Variants in PTP4A1 observed in about 807,000 individuals in gnomAD.
PTP4A1 encodes protein tyrosine phosphatase 4A1.
Under a neutral mutation model 20.5 loss-of-function variants are expected in PTP4A1, and 9 were observed. The ratio of observed to expected loss-of-function variants is 0.44; its 90% confidence interval spans 0.26 to 0.77. The LOEUF (loss-of-function observed/expected upper bound fraction) is 0.77, where lower values mean the gene tolerates loss of function less well. PTP4A1 is among the 30% of genes least tolerant of loss of function. PTP4A1 has a pLI of 0.19. For synonymous variants in PTP4A1, 78 were observed against 67.4 expected, an observed-to-expected ratio of 1.16 and a Z score of -0.77; for missense variants, 137 against 218.8, an observed-to-expected ratio of 0.63 and a Z score of 2.36.
Position 63,576,442 on chromosome 6 carries a change from T to C in PTP4A1, c.-439T>C. The C allele has an allele frequency of 2.5e-6, 1 of 399,846 alleles. No homozygotes were observed. 24.8% of individuals were successfully genotyped at this position (399,846 alleles called of 1,614,324 possible). On this transcript the variant is annotated 5_prime_UTR_variant, in exon 2 of 6. Transcript: ENST00000626021. ...GTCTTTTTCTTTTAAACAGCAATTC[T>C]GTGGTGTTCTTGGTCACACATTTAT...
At chr6:63,525,277 G>T (rs1441666600) in intron 1 of PTP4A1, among the ~76,000 whole-genome samples, 1 of 152,122 alleles carries the variant, frequency 6.6e-6, no homozygotes, top group Non-Finnish European at 1.5e-5. Context: ...TCCATATTTG[G>T]CCTTGTGATG....
At chr6:63,525,495 A>G (rs1033938185) in intron 1 of PTP4A1, among the ~76,000 whole-genome samples, 1 of 152,182 alleles carries the variant, frequency 6.6e-6, no homozygotes, top group Non-Finnish European at 1.5e-5. Context: ...AGTTGGTTCC[A>G]GTTTCCACTA....
At position 63,545,908 on chromosome 6, in the gene PTP4A1, T is replaced by C. The variant is rs1424237527; in HGVS notation, c.-639-4392T>C. On this transcript the variant is annotated intron_variant, in intron 2 of 3. Transcript: ENST00000639568. ...AAAAATAAAAATAAACCTGGTTCTG[T>C]TATTCAAAATATATTTACTCATTTG... Among the ~76,000 whole-genome samples, 3 of 152,156 alleles carry C rather than the reference T, an allele frequency of 2.0e-5. No homozygotes were observed. The East Asian group carries it at 5.8e-4, about 29-fold the overall frequency.
At chr6:63,548,637 GATTTAATTTTTCAAGGAA>G in intron 2 of PTP4A1, 1 of 405,014 alleles carries the variant, frequency 2.5e-6, no homozygotes, top group East Asian at 5.1e-5. Flanking sequence ...ACACAACCCT[GATTTAATTTTTCAAGGAA>G]AATTTGTTCT....
Position 63,583,293 on chromosome 6 carries a change from C to T in PTP4A1, c.*3119C>T, listed in dbSNP as rs1021207313. 1 of 152,184 alleles carries T rather than the reference C, an allele frequency of 6.6e-6. No individual in the cohort carries two copies. Among genetic ancestry groups the T allele is most frequent in the African/African-American group, 2.4e-5 (1 of 41,432 alleles). The allele number at this position is 152,184 out of a possible 1,614,324, so 9.4% of individuals were successfully genotyped here. A position where few individuals can be genotyped will look rare whatever the true frequency, so the allele number is the denominator to read the frequency against. On this transcript the variant is annotated 3_prime_UTR_variant, in exon 6 of 6. Coordinates refer to ENST00000626021, the MANE Select transcript of PTP4A1 (RefSeq NM_003463.5). ...GTCTGCCATACATGTTAATATTCTA[C>T]ATTCTTGCTTCCTTAAATTAATATG...
At chr6:63,542,840 C>A (rs1776037833) in intron 2 of PTP4A1, among the ~76,000 whole-genome samples, 1 of 152,110 alleles carries the variant, frequency 6.6e-6, no homozygotes, top group Non-Finnish European at 1.5e-5. Context: ...TCACCACCTC[C>A]ACCCCTACCT....
chr6:63,541,427 C>T (rs2149484085), intron 2 of PTP4A1, among the ~76,000 whole-genome samples: 1 of 152,048 alleles, frequency 6.6e-6, no homozygotes, highest in African/African-American at 2.4e-5. Context: ...GTGGCAGGTG[C>T]CTATAATTCC....
At chr6:63,562,444 C>G (rs1276212575) in intron 3 of PTP4A1, among the ~76,000 whole-genome samples, 1 of 152,194 alleles carries the variant, frequency 6.6e-6, no homozygotes, top group African/African-American at 2.4e-5. Context: ...AGTGATCCAA[C>G]TGTCTTGGCC....
intron 3 of PTP4A1, among the ~76,000 whole-genome samples, chr6:63,552,169 A>T (rs567398403): frequency 6.6e-6 from 1 of 152,306 alleles, no homozygotes; most frequent in East Asian, 1.9e-4. Context: ...ACAGTGTAAA[A>T]GTGTTCCTAT....
chr6:63,520,771 T>C (rs1242249435), upstream of PTP4A1, among the ~76,000 whole-genome samples: 2 of 152,192 alleles, frequency 1.3e-5, no homozygotes, highest in Non-Finnish European at 2.9e-5. Context: ...ATGATTAGTG[T>C]CAGAGTTACT....
At chr6:63,528,268 C>G (rs565546134) in intron 2 of PTP4A1, among the ~76,000 whole-genome samples, 1 of 152,126 alleles carries the variant, frequency 6.6e-6, no homozygotes, top group South Asian at 2.1e-4. Flanking sequence ...CTTGAGCACA[C>G]ATAGTATATT....
intron 5 of PTP4A1, among the ~76,000 whole-genome samples, chr6:63,579,585 A>AT (rs1778088519): frequency 1.3e-5 from 2 of 152,190 alleles, no homozygotes; most frequent in African/African-American, 4.8e-5. Context: ...GTTATTTTGT[A>AT]TTTTTATTGA....
rs74990853 is a variant in PTP4A1 at position 63,560,859 on chromosome 6, A to G, written c.-446+10366A>G. Among the ~76,000 whole-genome samples the G allele has an allele frequency of 3.2e-4, 49 of 152,344 alleles. No homozygotes were observed. The East Asian group carries it at 9.4e-3, about 29-fold the overall frequency. On this transcript the variant is annotated intron_variant, in intron 3 of 3. Coordinates refer to the PTP4A1 transcript ENST00000639568. Reference sequence around the variant, plus strand: ...TGGCACCAGTTCACAGACTACACTTAGAGTAGCATTAGTCTGGGGAACAAC... The same window carrying G: ...TGGCACCAGTTCACAGACTACACTTGGAGTAGCATTAGTCTGGGGAACAAC...
At chr6:63,540,253 GCCCAGATGT>G (rs1205795811) in intron 2 of PTP4A1, among the ~76,000 whole-genome samples, 8 of 126,948 alleles carry the variant, frequency 6.3e-5, no homozygotes, top group Admixed American at 6.2e-4. Flanking sequence ...AAAGGCAGGA[GCCCAGATGT>G]ATATAGAATC....
rs573525824 is a variant in PTP4A1, at chr6:63,558,419, A to G, written c.-446+7926A>G. Among the ~76,000 whole-genome samples, 15 of 152,314 alleles carry G rather than the reference A, an allele frequency of 9.8e-5. No homozygotes were observed. The East Asian group carries it at 2.7e-3, about 27-fold the overall frequency. ...CTCTCCAGACTCAATAGAATGTGGT[A>G]GCCAGTCAGACAGAAAAGAAGAAAA... On this transcript the variant is annotated intron_variant, in intron 3 of 3. Coordinates refer to the PTP4A1 transcript ENST00000639568.
intron 2 of PTP4A1, among the ~76,000 whole-genome samples, chr6:63,541,889 A>G (rs1451701350): frequency 6.6e-6 from 1 of 152,096 alleles, no homozygotes; most frequent in African/African-American, 2.4e-5. Flanking sequence ...ATTTCCATCC[A>G]GCTTACAACC....
chr6:63,539,300 A>G (rs907806054), intron 2 of PTP4A1, among the ~76,000 whole-genome samples: 1 of 152,228 alleles, frequency 6.6e-6, no homozygotes, highest in African/African-American at 2.4e-5. Flanking sequence ...TTCAATAAGT[A>G]TACTTGATCT....
At chr6:63,535,038 C>T (rs534879437) in intron 2 of PTP4A1, among the ~76,000 whole-genome samples, 1 of 151,856 alleles carries the variant, frequency 6.6e-6, no homozygotes, top group African/African-American at 2.4e-5. Flanking sequence ...CCAGCCTGGG[C>T]AACAAGAGTG....
At chr6:63,558,082 G>A (rs2149493871) in intron 3 of PTP4A1, among the ~76,000 whole-genome samples, 1 of 152,086 alleles carries the variant, frequency 6.6e-6, no homozygotes, top group South Asian at 2.1e-4. Flanking sequence ...ATATTGGCCA[G>A]GCTGGTCTCG....
Sources: gnomAD v4.1 joint callset for allele counts (sites outside exome capture counted in the v4.1 genomes callset) on GRCh38, gnomAD v4.1.1 for gene constraint, MANE v1.5 for transcripts, NCBI Gene and HGNC (gene_info 2026-07-23, HGNC 2026-07-21) for gene names.